FGF13: variants seen among roughly 807,000 people sequenced by gnomAD.
The protein encoded by FGF13 is fibroblast growth factor 13, also known as fibroblast growth factor homologous factor 2.
In FGF13, 2 loss-of-function variants were observed where a neutral mutation model predicts 19.5. The ratio of observed to expected loss-of-function variants is 0.10; its 90% CI spans 0.04 to 0.32. FGF13 has a LOEUF of 0.32. Among genes scored for constraint, FGF13 ranks in the 10% least tolerant of loss-of-function variants. FGF13 has a pLI of 1.00. For missense variants in FGF13, 113 were observed against 192.7 expected (o/e 0.59, Z 2.45); for synonymous variants, 72 against 76.9 (o/e 0.94, Z 0.33).
intron 1 of FGF13, among the ~76,000 whole-genome samples, chrX:139,145,083 G>A (rs181875076): frequency 1.4e-3 from 154 of 111,936 alleles, no homozygotes; most frequent in African/African-American, 4.3e-3. Flanking sequence ...TCTCTTTAAT[G>A]TCTGGGTTAA....
chrX:139,071,788 C>A (rs1168759666), intron 1 of FGF13, among the ~76,000 whole-genome samples: 1 of 109,743 alleles, frequency 9.1e-6, no homozygotes, highest in Non-Finnish European at 1.9e-5. Context: ...GAGGCCGAGG[C>A]TGGCAGATCA....
intron 3 of FGF13, among the ~76,000 whole-genome samples, chrX:138,696,043 G>A (rs1243622571): frequency 4.5e-5 from 5 of 111,986 alleles, no homozygotes; most frequent in Non-Finnish European, 7.5e-5. Flanking sequence ...CAGTTGAGAC[G>A]TGAACAAAGA....
intron 3 of FGF13, among the ~76,000 whole-genome samples, chrX:138,827,786 A>C (rs998608590): frequency 3.6e-5 from 4 of 111,977 alleles, no homozygotes; most frequent in Non-Finnish European, 3.8e-5. Context: ...CATAATCATA[A>C]ACAAAGGTAA....
At chrX:139,086,739 G>A (rs1677824363) in intron 1 of FGF13, among the ~76,000 whole-genome samples, 1 of 112,015 alleles carries the variant, frequency 8.9e-6, no homozygotes. Context: ...TGTGTTGCGT[G>A]AATTTCACTT....
At chrX:138,998,893 C>T (rs1422194445) in intron 1 of FGF13, among the ~76,000 whole-genome samples, 1 of 112,028 alleles carries the variant, frequency 8.9e-6, no homozygotes, top group Non-Finnish European at 1.9e-5. Flanking sequence ...TTCTTCTCAG[C>T]ACCACATTGC....
At chrX:139,101,514 G>A (rs1056990320) in intron 1 of FGF13, among the ~76,000 whole-genome samples, 9 of 111,659 alleles carry the variant, frequency 8.1e-5, no homozygotes, top group East Asian at 2.8e-4. Flanking sequence ...AATATTCGAC[G>A]GATTGGGTAT....
chrX:138,970,943 CTTGAG>C (rs924427527), intron 1 of FGF13, among the ~76,000 whole-genome samples: 18 of 112,055 alleles, frequency 1.6e-4, no homozygotes, highest in African/African-American at 5.8e-4. Flanking sequence ...TCATTGGCAA[CTTGAG>C]TTAAGAGTAA....
chrX:138,858,159 C>T (rs938281867), intron 2 of FGF13, among the ~76,000 whole-genome samples: 3 of 111,984 alleles, frequency 2.7e-5, no homozygotes, highest in Non-Finnish European at 3.8e-5. Context: ...TCAGTCACTG[C>T]TCTTTACTCT....
Position 138,986,965 on chromosome X carries a change from C to A in FGF13, c.-112-122315G>T, listed in dbSNP as rs186119152. 4.5e-5 allele frequency among the ~76,000 whole-genome samples: 5 copies of A among 111,987 alleles called. No homozygotes were observed. The Admixed American group carries it at 4.7e-4, about 11-fold the overall frequency. On this transcript the variant is annotated intron_variant, in intron 1 of 2. Transcript: ENST00000421460. ...TAATACTGTTATAATGTTGCTTGTG[C>A]AACAAATATTTAAAATAAACAAAAC...
intron 1 of FGF13, among the ~76,000 whole-genome samples, chrX:138,723,921 G>GTTTCACAAACTCC: frequency 9.0e-6 from 1 of 111,606 alleles, no homozygotes; most frequent in Middle Eastern, 4.6e-3. Flanking sequence ...CTCCTATGAG[G>GTTTCACAAACTCC]TAGGGTGTTT....
chrX:139,044,767 T>C (rs976913806), intron 1 of FGF13, among the ~76,000 whole-genome samples: 1 of 112,138 alleles, frequency 8.9e-6, no homozygotes, highest in East Asian at 2.8e-4. Flanking sequence ...ATCTAGGGCA[T>C]GCTGGTGTGA....
chrX:138,744,293 T>C (rs2090340578), upstream of FGF13, among the ~76,000 whole-genome samples: 1 of 111,384 alleles, frequency 9.0e-6, no homozygotes, highest in Admixed American at 9.6e-5. Flanking sequence ...GTGCAAATCC[T>C]AGTCAAGCAC....
intron 2 of FGF13, among the ~76,000 whole-genome samples, chrX:138,861,935 G>A (rs934251608): frequency 8.9e-6 from 1 of 111,847 alleles, no homozygotes; most frequent in Non-Finnish European, 1.9e-5. Flanking sequence ...CCCAGGAGGC[G>A]AAGGTTGCAG....
At chrX:138,901,193 G>A (rs1383499171) in intron 1 of FGF13, among the ~76,000 whole-genome samples, 2 of 112,214 alleles carry the variant, frequency 1.8e-5, no homozygotes, top group Admixed American at 9.5e-5. Flanking sequence ...TAATCAGTAA[G>A]TATGTGCTAA....
chrX:139,040,168 A>G (rs1310353855), intron 1 of FGF13, among the ~76,000 whole-genome samples: 1 of 112,168 alleles, frequency 8.9e-6, no homozygotes, highest in Non-Finnish European at 1.9e-5. Context: ...GGTAAGTACT[A>G]TCATTAGTCT....
At chrX:139,204,266 C>CGCT (rs1337477537), upstream of FGF13, 1 of 480,187 alleles carries the variant, frequency 2.1e-6, no homozygotes, top group Admixed American at 3.2e-5. Context: ...CCGCCGCCGC[C>CGCT]GCTGCCTACG....
intron 3 of FGF13, among the ~76,000 whole-genome samples, chrX:138,846,015 G>A (rs2091178956): frequency 9.0e-6 from 1 of 111,043 alleles, no homozygotes; most frequent in South Asian, 3.8e-4. Context: ...TGTATGAATG[G>A]CTTGCTTGAG....
chrX:138,772,238 A>G (rs1314718345), intron 3 of FGF13, among the ~76,000 whole-genome samples: 6 of 109,112 alleles, frequency 5.5e-5, no homozygotes, highest in Non-Finnish European at 5.7e-5. Context: ...AAACATGCCT[A>G]AACATTAGGC....
In FGF13 at chrX:138,936,636, C is replaced by G. The variant is rs192801485; in HGVS notation, c.-112-71986G>C. ...CCAAACATCCATCATAATGGCTGAC[C>G]AGAATAAGTTCTGGCTAACTCCTGC... On this transcript the variant is annotated intron_variant, in intron 1 of 2. Coordinates refer to the FGF13 transcript ENST00000421460. 2.7e-5 allele frequency among the ~76,000 whole-genome samples: 3 copies of G among 112,194 alleles called. No individual in the cohort carries two copies. The Admixed American group carries it at 2.8e-4, about 11-fold the overall frequency.
Sources: gnomAD v4.1 joint callset for allele counts (sites outside exome capture counted in the v4.1 genomes callset) on GRCh38, gnomAD v4.1.1 for gene constraint, MANE v1.5 for transcripts, NCBI Gene and HGNC (gene_info 2026-07-23, HGNC 2026-07-21) for gene names.